The following MIPEP variants were observed in gnomAD, a reference collection of about 807,000 sequenced individuals.
MIPEP encodes mitochondrial intermediate peptidase.
Under a neutral mutation model 90.3 loss-of-function variants are expected in MIPEP, and 79 were observed. The ratio of observed to expected loss-of-function variants is 0.87; its 90% CI spans 0.73 to 1.05. The LOEUF (loss-of-function observed/expected upper bound fraction) is 1.05, where lower values mean the gene tolerates loss of function less well. MIPEP is among the 50% of genes least tolerant of loss of function. The pLI is 0.00. For synonymous variants in MIPEP, 334 were observed against 315.8 expected, an observed-to-expected ratio of 1.06 and a Z score of -0.61; for missense variants, 940 against 905.6, an observed-to-expected ratio of 1.04 and a Z score of -0.49.
Position 23,870,214 on chromosome 13 carries a change from A to C in MIPEP, c.604-19T>G. ...TTTTACGCTGTATGCAGGAGGAGTA[A>C]AAGTTATTTAAAGGCGTTTTGAATT... On this transcript the variant is annotated intron_variant, in intron 5 of 18. Transcript: ENST00000382172. 5 of 1,468,402 alleles carry C rather than the reference A, an allele frequency of 3.4e-6. No individual in the cohort carries two copies. The South Asian group carries it at 7.6e-5, about 22-fold the overall frequency. 91.0% of individuals were successfully genotyped at this position (1,468,402 alleles called of 1,614,324 possible).
chr13:23,840,157 A>G (rs1869232274), intron 11 of MIPEP, among the ~76,000 whole-genome samples: 1 of 152,216 alleles, frequency 6.6e-6, no homozygotes, highest in Admixed American at 6.5e-5. Flanking sequence ...AGCTTGAGTT[A>G]AAAATCAGCA....
chr13:23,839,355 A>G (rs1227376208), intron 12 of MIPEP, among the ~76,000 whole-genome samples: 1 of 152,230 alleles, frequency 6.6e-6, no homozygotes, highest in Non-Finnish European at 1.5e-5. Flanking sequence ...GCTGATGTGT[A>G]TAACGGGCTC....
intron 18 of MIPEP, among the ~76,000 whole-genome samples, chr13:23,755,245 G>A (rs1170744188): frequency 6.6e-6 from 1 of 152,222 alleles, no homozygotes; most frequent in Non-Finnish European, 1.5e-5. Flanking sequence ...CAGGATGTTT[G>A]TCTAAGCGTC....
chr13:23,751,111 GTT>G (rs1228123700), intron 18 of MIPEP, among the ~76,000 whole-genome samples: 1 of 152,180 alleles, frequency 6.6e-6, no homozygotes, highest in East Asian at 1.9e-4. Context: ...ACTGAGAACT[GTT>G]TTTAAAGAAA....
chr13:23,769,002 A>C (rs1952621896), intron 16 of MIPEP, among the ~76,000 whole-genome samples: 1 of 152,220 alleles, frequency 6.6e-6, no homozygotes, highest in African/African-American at 2.4e-5. Flanking sequence ...AATTAAGACA[A>C]ATGAAAAACA....
At chr13:23,887,522 T>C (rs1470432426) in intron 1 of MIPEP, among the ~76,000 whole-genome samples, 2 of 152,158 alleles carry the variant, frequency 1.3e-5, no homozygotes, top group Non-Finnish European at 2.9e-5. Context: ...GCCCACACTT[T>C]TCCATACTTC....
chr13:23,796,804 C>T (rs1171991492), intron 16 of MIPEP, among the ~76,000 whole-genome samples: 5 of 152,198 alleles, frequency 3.3e-5, no homozygotes, highest in Non-Finnish European at 7.3e-5. Context: ...CTTTCCTTTG[C>T]ATACATAATC....
chr13:23,743,769 TAAAC>T (rs1209912954), intron 18 of MIPEP, among the ~76,000 whole-genome samples: 4 of 152,218 alleles, frequency 2.6e-5, no homozygotes, highest in Non-Finnish European at 5.9e-5. Context: ...GTGTCTTCCT[TAAAC>T]AAACACACCC....
chr13:23,760,152 G>A lies in MIPEP; in HGVS notation c.1914C>T (p.Ser638=). 6.2e-7 allele frequency: 1 copy of A among 1,614,128 alleles called. No individual in the cohort carries two copies. The highest frequency in any genetic ancestry group is 8.5e-7 in the Non-Finnish European group (1 of 1,180,010). ...TCCAAACCATGGAGGCGACCGCTCT[G>A]GACATGAGGTAAGAGTAATATCTAG... is the stretch of plus-strand genomic sequence containing the variant. The part of the protein sequence containing the change: ...YGARYYSYLM[S]RAVASMVWKE... Residue 638 remains serine (S), a synonymous_variant, in exon 17 of 19, where the codon TCC becomes TCT. Coordinates refer to ENST00000382172, the MANE Select transcript of MIPEP (RefSeq NM_005932.4).
intron 16 of MIPEP, among the ~76,000 whole-genome samples, chr13:23,803,088 G>A (rs867657715): frequency 4.6e-5 from 7 of 152,140 alleles, no homozygotes; most frequent in Admixed American, 6.5e-5. Flanking sequence ...TCATGGCCAG[G>A]CGCGGTGGCT....
chr13:23,733,950 C>A (rs1952232770), intron 18 of MIPEP, among the ~76,000 whole-genome samples: 1 of 152,150 alleles, frequency 6.6e-6, no homozygotes, highest in Non-Finnish European at 1.5e-5. Context: ...GCAGGCCTTG[C>A]CTCTGGCCCA....
At chr13:23,824,613 C>G (rs538469989) in intron 14 of MIPEP, among the ~76,000 whole-genome samples, 1 of 152,222 alleles carries the variant, frequency 6.6e-6, no homozygotes, top group African/African-American at 2.4e-5. Context: ...TGTGTCACAG[C>G]ACTGCATTTC....
chr13:23,813,540 C>A (rs967895219), intron 14 of MIPEP, among the ~76,000 whole-genome samples: 1 of 152,088 alleles, frequency 6.6e-6, no homozygotes, highest in African/African-American at 2.4e-5. Flanking sequence ...CATTTTTCTT[C>A]CCCAAATATA....
chr13:23,881,889 G>A, intron 2 of MIPEP, 102 bp from the exon 3 acceptor site: 2 of 864,048 alleles, frequency 2.3e-6, no homozygotes, highest in Non-Finnish European at 3.8e-6. Context: ...TGTGCCATTG[G>A]CTTGCCCTAT....
rs115098240 is a variant in MIPEP, at chr13:23,792,557, T to C, written c.1848+13393A>G. On this transcript the variant is annotated intron_variant, in intron 16 of 18. Transcript: ENST00000382172. The stretch of plus-strand genomic sequence containing the variant: ...ACCATGCCCAGATAATTTTTTAGTC[T>C]ACATTGCCCAGGCTGGTCTTGAATG... Among the ~76,000 whole-genome samples, 406 of 152,296 alleles carry C rather than the reference T, an allele frequency of 2.7e-3. 2 individuals carry two copies. Among genetic ancestry groups the C allele is most frequent in the African/African-American group, 9.5e-3 (396 of 41,562 alleles).
chr13:23,811,056 C>A (rs902047550), intron 14 of MIPEP, among the ~76,000 whole-genome samples: 1 of 152,130 alleles, frequency 6.6e-6, no homozygotes, highest in East Asian at 1.9e-4. Flanking sequence ...ACACCAGGGG[C>A]GCTCATCTTG....
chr13:23,888,959 G>T, intron 1 of MIPEP, 173 bp downstream of exon 1: 1 of 615,064 alleles, frequency 1.6e-6, no homozygotes, highest in Non-Finnish European at 2.4e-6. Context: ...GCCCCTCAAA[G>T]CAGAGGTGAC....
chr13:23,818,153 A>C (rs1953263427), intron 14 of MIPEP, among the ~76,000 whole-genome samples: 1 of 150,636 alleles, frequency 6.6e-6, no homozygotes. Flanking sequence ...ACGTTGGTTC[A>C]CTCCTGTAAT....
chr13:23,807,818 T>C (rs1953127608), intron 15 of MIPEP, among the ~76,000 whole-genome samples: 1 of 152,204 alleles, frequency 6.6e-6, no homozygotes, highest in East Asian at 1.9e-4. Context: ...TTTCTTCAAT[T>C]ATGCCTTTTA....
Sources: gnomAD v4.1 joint callset for allele counts (sites outside exome capture counted in the v4.1 genomes callset) on GRCh38, gnomAD v4.1.1 for gene constraint, MANE v1.5 for transcripts, NCBI Gene and HGNC (gene_info 2026-07-23, HGNC 2026-07-21) for gene names.